TAFA2: variants seen among roughly 807,000 people sequenced by gnomAD.
The protein encoded by TAFA2 is TAFA chemokine like family member 2, also known as chemokine-like protein TAFA-2.
A neutral mutation model predicts 18.8 loss-of-function variants in TAFA2; 7 were observed. The observed-to-expected ratio is 0.37, with a 90% CI of 0.21 to 0.70. The LOEUF is 0.70. TAFA2 is among the 30% of genes least tolerant of loss of function. The pLI is 0.53. For missense variants in TAFA2, 122 were observed against 158.1 expected (o/e 0.77, Z 1.23); for synonymous variants, 60 against 54.2 (o/e 1.11, Z -0.47).
chr12:62,092,383 A>G (rs974026040), intron 1 of TAFA2, among the ~76,000 whole-genome samples: 11 of 151,952 alleles, frequency 7.2e-5, no homozygotes, highest in African/African-American at 2.7e-4. Context: ...CCTGTCTCCA[A>G]TTTCTAGCCT....
chr12:62,193,063 G>A (rs1023787486), upstream of TAFA2, among the ~76,000 whole-genome samples: 1 of 152,198 alleles, frequency 6.6e-6, no homozygotes, highest in African/African-American at 2.4e-5. Flanking sequence ...TCATGACGCT[G>A]GAAGGTCATG....
intron 1 of TAFA2, among the ~76,000 whole-genome samples, chr12:61,950,129 T>C (rs118008293): frequency 0.023 from 3,551 of 152,254 alleles, 57 homozygotes; most frequent in Middle Eastern, 0.075. Flanking sequence ...TGATATTTCA[T>C]TGCATATATA....
intron 1 of TAFA2, among the ~76,000 whole-genome samples, chr12:61,888,636 T>C (rs1429237733): frequency 6.6e-6 from 1 of 152,078 alleles, no homozygotes; most frequent in South Asian, 2.1e-4. Context: ...GTTTAAAAGA[T>C]CAAGTAGATA....
At chr12:62,180,074 T>C (rs192449526) in intron 1 of TAFA2, among the ~76,000 whole-genome samples, 2 of 152,324 alleles carry the variant, frequency 1.3e-5, no homozygotes, top group East Asian at 1.9e-4. Context: ...TCACCCAGTT[T>C]TCCTAGTAGT....
chr12:61,989,018 G>T (rs1477347204), intron 1 of TAFA2, among the ~76,000 whole-genome samples: 2 of 152,240 alleles, frequency 1.3e-5, no homozygotes, highest in African/African-American at 4.8e-5. Context: ...TTCTTACATT[G>T]TATATGATGT....
intron 1 of TAFA2, chr12:62,022,106 T>C (rs1592555322): frequency 2.0e-6 from 1 of 504,012 alleles, no homozygotes. Flanking sequence ...CCCAACCCAC[T>C]GGCCCTTCTC....
chr12:61,854,310 A>G (rs1194749802), intron 2 of TAFA2, among the ~76,000 whole-genome samples: 1 of 152,152 alleles, frequency 6.6e-6, no homozygotes, highest in East Asian at 1.9e-4. Flanking sequence ...TCTCCCCCCA[A>G]AAAATTATAG....
intron 2 of TAFA2, among the ~76,000 whole-genome samples, chr12:61,785,142 C>T (rs2120902281): frequency 6.6e-6 from 1 of 151,684 alleles, no homozygotes; most frequent in East Asian, 2.0e-4. Flanking sequence ...CTCTAGTATT[C>T]TCTGTTCTAC....
At chr12:62,043,030 C>A (rs888488200) in intron 1 of TAFA2, among the ~76,000 whole-genome samples, 2 of 152,094 alleles carry the variant, frequency 1.3e-5, no homozygotes, top group Non-Finnish European at 2.9e-5. Context: ...CCACAGATAA[C>A]AAGGACAAAA....
chr12:62,113,500 C>T (rs1869826043), intron 1 of TAFA2, among the ~76,000 whole-genome samples: 1 of 152,164 alleles, frequency 6.6e-6, no homozygotes, highest in Admixed American at 6.5e-5. Context: ...GGCAGTCTGT[C>T]CCTTAGCAGA....
chr12:62,144,532 A>G (rs2062267489), intron 1 of TAFA2, among the ~76,000 whole-genome samples: 1 of 152,210 alleles, frequency 6.6e-6, no homozygotes, highest in East Asian at 1.9e-4. Flanking sequence ...CAGAGCTGAC[A>G]CCATTGTGGT....
intron 1 of TAFA2, among the ~76,000 whole-genome samples, chr12:62,244,403 C>T (rs1255633249): frequency 6.6e-6 from 1 of 152,020 alleles, no homozygotes; most frequent in Non-Finnish European, 1.5e-5. Flanking sequence ...TGTTATCATG[C>T]ACTCCTTATG....
intron 2 of TAFA2, among the ~76,000 whole-genome samples, chr12:61,792,882 A>G (rs1351723978): frequency 6.6e-6 from 1 of 151,624 alleles, no homozygotes; most frequent in Non-Finnish European, 1.5e-5. Context: ...AATAGTAAGA[A>G]TATAGAAAAT....
chr12:61,983,660 C>T (rs1879719479), intron 1 of TAFA2, among the ~76,000 whole-genome samples: 3 of 152,042 alleles, frequency 2.0e-5, no homozygotes, highest in Non-Finnish European at 2.9e-5. Flanking sequence ...CCTGCCTTGC[C>T]CTCCCAAAGT....
At chr12:62,239,376 G>A (rs939060050) in intron 1 of TAFA2, among the ~76,000 whole-genome samples, 1 of 151,980 alleles carries the variant, frequency 6.6e-6, no homozygotes, top group Non-Finnish European at 1.5e-5. Flanking sequence ...TATGCTAATG[G>A]CCCCTGAATT....
rs78684354 is a variant in TAFA2, at chr12:62,142,780, C to T, written c.-2+48479G>A. Reference sequence around the variant, plus strand: ...TTGAAAAACTCCAATGAAAAAGATCCACCTTTTGTCAAAGCAGTGTGTCAC... The same window carrying T: ...TTGAAAAACTCCAATGAAAAAGATCTACCTTTTGTCAAAGCAGTGTGTCAC... On this transcript the variant is annotated intron_variant, in intron 1 of 4. Coordinates refer to ENST00000416284, the MANE Select transcript of TAFA2 (RefSeq NM_178539.5). 2.9e-3 allele frequency among the ~76,000 whole-genome samples: 438 copies of T among 152,194 alleles called. 20 individuals carry two copies. The East Asian group carries it at 0.076, about 26-fold the overall frequency.
intron 1 of TAFA2, among the ~76,000 whole-genome samples, chr12:62,149,587 T>TTATATA (rs151026993): frequency 1.4e-4 from 21 of 146,930 alleles, no homozygotes; most frequent in African/African-American, 4.9e-4. Context: ...TATATACACA[T>TTATATA]TATATATATA....
intron 1 of TAFA2, among the ~76,000 whole-genome samples, chr12:61,916,108 C>T (rs895466597): frequency 6.6e-6 from 1 of 152,142 alleles, no homozygotes; most frequent in African/African-American, 2.4e-5. Context: ...TGTCATGAAG[C>T]CCTTTGTCAC....
chr12:62,146,093 C>A (rs1592364351), intron 1 of TAFA2, among the ~76,000 whole-genome samples: 1 of 152,130 alleles, frequency 6.6e-6, no homozygotes, highest in Non-Finnish European at 1.5e-5. Flanking sequence ...CAGTTCTTTG[C>A]CAAATCTAAC....
Sources: gnomAD v4.1 joint callset for allele counts (sites outside exome capture counted in the v4.1 genomes callset) on GRCh38, gnomAD v4.1.1 for gene constraint, MANE v1.5 for transcripts, NCBI Gene and HGNC (gene_info 2026-07-23, HGNC 2026-07-21) for gene names.